Variants in ANO2 observed in about 807,000 individuals in gnomAD.
ANO2 encodes anoctamin-2.
ANO2 carries 101 observed loss-of-function variants against 124.2 expected under a neutral mutation model. That is an observed-to-expected ratio of 0.81 (90% CI 0.69 to 0.96). The LOEUF (loss-of-function observed/expected upper bound fraction) is 0.96, where lower values mean the gene tolerates loss of function less well. Among genes scored for constraint, ANO2 ranks in the 40% least tolerant of loss-of-function variants. The pLI, the probability that ANO2 is intolerant of heterozygous loss-of-function variation, is 0.00. For synonymous variants in ANO2, 486 were observed against 482.5 expected, an observed-to-expected ratio of 1.01 and a Z score of -0.09; for missense variants, 1,293 against 1,274.5, an observed-to-expected ratio of 1.01 and a Z score of -0.22.
Position 5,925,741 on chromosome 12 carries a change from G to A in ANO2, c.23-2937C>T, listed in dbSNP as rs866712247. On this transcript the variant is annotated intron_variant, in intron 1 of 24. Transcript: ENST00000682330. This position sits in a 1 kb window ranked among gnomAD's most constrained non-coding sequence, Gnocchi z 4.6. ...ACCGTTGCCTTGGCTCTCCTTCCAC[G>A]CTGCCTTGAACAACAGATCCTTGGG... Among the ~76,000 whole-genome samples, 6 of 152,196 alleles carry A rather than the reference G, an allele frequency of 3.9e-5. No homozygotes were observed. Among genetic ancestry groups the A allele is most frequent in the South Asian group, 4.1e-4 (2 of 4,830 alleles).
intron 19 of ANO2, among the ~76,000 whole-genome samples, chr12:5,600,808 T>C (rs1192758849): frequency 1.3e-5 from 2 of 152,204 alleles, no homozygotes; most frequent in African/African-American, 4.8e-5. Flanking sequence ...AAGTCCATGC[T>C]TCATCTGGAT....
intron 10 of ANO2, among the ~76,000 whole-genome samples, chr12:5,794,769 G>A (rs892100358): frequency 4.4e-4 from 67 of 152,218 alleles, no homozygotes; most frequent in African/African-American, 1.5e-3. Flanking sequence ...ATACTGCCAA[G>A]CAAAGAGACT....
At chr12:5,890,834 A>G (rs948375156) in intron 3 of ANO2, among the ~76,000 whole-genome samples, 1 of 152,188 alleles carries the variant, frequency 6.6e-6, no homozygotes, top group Non-Finnish European at 1.5e-5. Context: ...GCACAGTGGA[A>G]TATCTGCCAT....
intron 14 of ANO2, among the ~76,000 whole-genome samples, chr12:5,660,941 T>C (rs1436744811): frequency 6.6e-6 from 1 of 152,214 alleles, no homozygotes; most frequent in Non-Finnish European, 1.5e-5. Flanking sequence ...CAATCTCTCA[T>C]GGATCTGAGG....
intron 14 of ANO2, among the ~76,000 whole-genome samples, chr12:5,719,218 A>G (rs574840389): frequency 3.3e-5 from 5 of 152,266 alleles, no homozygotes; most frequent in African/African-American, 1.2e-4. Context: ...CTTTGCCTAA[A>G]GGTTTCTTTT....
At chr12:5,930,400 T>C (rs943295489) in intron 1 of ANO2, among the ~76,000 whole-genome samples, 62 of 152,062 alleles carry the variant, frequency 4.1e-4, no homozygotes, top group African/African-American at 1.4e-3. Flanking sequence ...AATGGGGGTA[T>C]AGGGGGAAGG....
At chr12:5,706,851 T>C (rs187314919) in intron 14 of ANO2, among the ~76,000 whole-genome samples, 1 of 152,216 alleles carries the variant, frequency 6.6e-6, no homozygotes, top group African/African-American at 2.4e-5. Flanking sequence ...TTGGGAGTCA[T>C]GGAGGTTAAA....
At chr12:5,764,689 G>T (rs1363985353) in intron 10 of ANO2, among the ~76,000 whole-genome samples, 2 of 151,908 alleles carry the variant, frequency 1.3e-5, no homozygotes, top group African/African-American at 2.4e-5. Flanking sequence ...ATCACCATTC[G>T]CCCCCAGCCC....
At chr12:5,825,086 G>A (rs1192931827) in intron 7 of ANO2, among the ~76,000 whole-genome samples, 2 of 152,136 alleles carry the variant, frequency 1.3e-5, no homozygotes, top group African/African-American at 4.8e-5. Context: ...ACTACCATCC[G>A]TGGACTCATA....
chr12:5,666,843 G>A (rs989938347), intron 14 of ANO2, among the ~76,000 whole-genome samples: 1 of 133,962 alleles, frequency 7.5e-6, no homozygotes, highest in Non-Finnish European at 1.5e-5. Context: ...TGTTTGCCTT[G>A]GGGCTTTGGC....
At chr12:5,743,034 T>C (rs1234682239) in intron 12 of ANO2, among the ~76,000 whole-genome samples, 1 of 152,016 alleles carries the variant, frequency 6.6e-6, no homozygotes, top group African/African-American at 2.4e-5. Context: ...GAAATTTTTA[T>C]TGGTGGCCTA....
intron 23 of ANO2, among the ~76,000 whole-genome samples, chr12:5,569,556 C>T (rs1941977372): frequency 6.6e-6 from 1 of 152,162 alleles, no homozygotes; most frequent in South Asian, 2.1e-4. Flanking sequence ...CTAGTCTGCA[C>T]CTGGAGCAGC....
chr12:5,744,336 G>A lies in ANO2; in HGVS notation c.1191-19C>T. ...CTCTCTGCTGCAATAGATGGAGGTTGTTGGGTCAGGTGGAGCTCAAGCATG... is the reference window on the plus strand; with the variant it reads ...CTCTCTGCTGCAATAGATGGAGGTTATTGGGTCAGGTGGAGCTCAAGCATG... On this transcript the variant is annotated intron_variant, in intron 11 of 24. Transcript: ENST00000682330. 6.2e-7 allele frequency: 1 copy of A among 1,613,660 alleles called. No homozygotes were observed. Among genetic ancestry groups the A allele is most frequent in the Non-Finnish European group, 8.5e-7 (1 of 1,179,640 alleles).
intron 14 of ANO2, among the ~76,000 whole-genome samples, chr12:5,678,434 CT>C (rs1159661897): frequency 3.9e-5 from 6 of 152,178 alleles, no homozygotes; most frequent in African/African-American, 1.4e-4. Context: ...TATCTCCAGG[CT>C]CTGGGTTAGG....
At chr12:5,573,993 G>A (rs1473551043) in intron 23 of ANO2, among the ~76,000 whole-genome samples, 1 of 152,178 alleles carries the variant, frequency 6.6e-6, no homozygotes, top group Non-Finnish European at 1.5e-5. Flanking sequence ...CTGGCCTTGG[G>A]CACCAAGCAT....
intron 10 of ANO2, among the ~76,000 whole-genome samples, chr12:5,763,345 C>T (rs955779299): frequency 9.9e-5 from 15 of 151,946 alleles, no homozygotes; most frequent in African/African-American, 3.1e-4. Flanking sequence ...GATATGTCTT[C>T]GCATAATGCT....
chr12:5,578,426 C>T lies in ANO2; in HGVS notation c.2326G>A (p.Asp776Asn), dbSNP rs372985872. Residue 776 changes from aspartate to asparagine, a missense_variant, in exon 21 of 25, where the codon GAT becomes AAT. Physicochemically the swap from Asp to Asn is conservative, Grantham distance 23. Coordinates refer to ENST00000682330, the MANE Select transcript of ANO2 (RefSeq NM_001364791.2). ...LLNNVIEVRL[D>N]AKKFVTELRR... ...AGCTCTGTAACAAACTTCTTTGCATCGAGCCGCACTTCAATGACGTTGTTG... is the reference window on the plus strand; with the variant it reads ...AGCTCTGTAACAAACTTCTTTGCATTGAGCCGCACTTCAATGACGTTGTTG... 166 of 1,613,810 alleles carry T rather than the reference C, an allele frequency of 1.0e-4. 1 individual carries two copies. The highest frequency in any genetic ancestry group is 1.6e-4 in the Middle Eastern group (1 of 6,078).
chr12:5,681,770 G>A (rs1363238964), intron 14 of ANO2, among the ~76,000 whole-genome samples: 2 of 152,052 alleles, frequency 1.3e-5, no homozygotes, highest in African/African-American at 4.8e-5. Flanking sequence ...GAGTCAACAA[G>A]CTATTAAGCT....
chr12:5,930,611 A>AC (rs1942322829), intron 1 of ANO2, among the ~76,000 whole-genome samples: 1 of 151,678 alleles, frequency 6.6e-6, no homozygotes, highest in East Asian at 1.9e-4. Context: ...CTCCCCCTGG[A>AC]CCCCTCCTCA....
Sources: gnomAD v4.1 joint callset for allele counts (sites outside exome capture counted in the v4.1 genomes callset) on GRCh38, gnomAD v4.1.1 for gene constraint, Gnocchi (gnomAD v3.1) non-coding constraint, MANE v1.5 for transcripts, NCBI Gene and HGNC (gene_info 2026-07-23, HGNC 2026-07-21) for gene names.